RALGDS: variants seen among roughly 807,000 people sequenced by gnomAD.
The protein encoded by RALGDS is ral guanine nucleotide dissociation stimulator, also known as ral guanine nucleotide exchange factor.
RALGDS carries 44 observed loss-of-function variants against 99.8 expected under a neutral mutation model. The observed-to-expected ratio is 0.44, with a 90% CI of 0.35 to 0.57. The LOEUF is 0.57. Ranked by LOEUF, RALGDS falls within the 20% of genes least tolerant of loss-of-function variation. The pLI is 0.01. For synonymous variants in RALGDS, 529 were observed against 505.0 expected (o/e 1.05, Z -0.64); for missense variants, 1,022 against 1,203.1 (o/e 0.85, Z 2.23).
chr9:133,101,871 T>C, intron 15 of RALGDS, 67 bp downstream of exon 15: 1 of 1,551,232 alleles, frequency 6.4e-7, no homozygotes, highest in Non-Finnish European at 8.7e-7. Context: ...CAGGGCTTCC[T>C]GGCCCCATGC....
At chr9:133,146,784 G>A (rs1216488797) in intron 1 of RALGDS, among the ~76,000 whole-genome samples, 1 of 152,230 alleles carries the variant, frequency 6.6e-6, no homozygotes, top group Non-Finnish European at 1.5e-5. Flanking sequence ...GATGCCGTGA[G>A]CTGCCTGCCC....
chr9:133,109,095 T>C (rs1377010170), intron 4 of RALGDS, among the ~76,000 whole-genome samples: 1 of 152,226 alleles, frequency 6.6e-6, no homozygotes, highest in Non-Finnish European at 1.5e-5. Flanking sequence ...CCCTCCTCGC[T>C]GGAATGTAAA....
In RALGDS at chr9:133,098,489, C is replaced by G; in HGVS notation, c.*98G>C. ...AGGATGAAACTGGAGTCTGGGGTACCCTGGGCTGGCAGGTGGGAGGAAGGC... is the reference window on the plus strand; with the variant it reads ...AGGATGAAACTGGAGTCTGGGGTACGCTGGGCTGGCAGGTGGGAGGAAGGC... On this transcript the variant is annotated 3_prime_UTR_variant, in exon 18 of 18. Coordinates refer to ENST00000372050, the MANE Select transcript of RALGDS (RefSeq NM_006266.4). 7.8e-7 allele frequency: 1 copy of G among 1,285,944 alleles called. No homozygotes were observed. Among genetic ancestry groups the G allele is most frequent in the Non-Finnish European group, 1.1e-6 (1 of 901,150 alleles). 79.7% of individuals were successfully genotyped at this position (1,285,944 alleles called of 1,614,324 possible).
intron 1 of RALGDS, among the ~76,000 whole-genome samples, chr9:133,143,480 T>C (rs893943847): frequency 6.6e-6 from 1 of 152,100 alleles, no homozygotes; most frequent in Admixed American, 6.6e-5. Flanking sequence ...TCTTGCTGGA[T>C]GCAGTGTCTC....
chr9:133,145,423 AAATG>A, intron 1 of RALGDS, among the ~76,000 whole-genome samples: 1 of 144,402 alleles, frequency 6.9e-6, no homozygotes, highest in East Asian at 2.3e-4. Flanking sequence ...GACAGATACG[AAATG>A]AATGAGTGAA....
intron 1 of RALGDS, chr9:133,129,164 G>C: frequency 6.3e-7 from 1 of 1,596,178 alleles, no homozygotes; most frequent in Non-Finnish European, 8.5e-7. Context: ...TGCTGGCAGA[G>C]GTGCCAGCCA....
chr9:133,142,194 CA>C (rs1421254928), intron 1 of RALGDS, among the ~76,000 whole-genome samples: 1 of 152,070 alleles, frequency 6.6e-6, no homozygotes, highest in Non-Finnish European at 1.5e-5. Flanking sequence ...AGGAAGGATC[CA>C]GGGGCAGAGT....
Position 133,109,616 on chromosome 9 carries a change from GCTCA to G in RALGDS, c.584+6_584+9del. 1 of 1,606,700 alleles carries G rather than the reference GCTCA, an allele frequency of 6.2e-7. No individual in the cohort carries two copies. Among genetic ancestry groups the G allele is most frequent in the Non-Finnish European group, 8.5e-7 (1 of 1,173,424 alleles). On this transcript the variant is annotated splice_donor_region_variant and intron_variant, in intron 4 of 17. Coordinates refer to ENST00000372050, the MANE Select transcript of RALGDS (RefSeq NM_006266.4). Reference sequence around the variant, plus strand: ...CAGGGTCCCTTCCTCTTGGCTCAAAGCTCACTCACTTTTTAAGTTGGTCCTGGGG... The same window carrying G: ...CAGGGTCCCTTCCTCTTGGCTCAAAGCTCACTTTTTAAGTTGGTCCTGGGG...
chr9:133,102,991 T>C (rs686346), intron 12 of RALGDS, 91 bp from the exon 13 acceptor site: 377,512 of 1,550,454 alleles, frequency 0.24, 47,635 homozygotes, highest in East Asian at 0.39. Flanking sequence ...GGTCCCTTCC[T>C]CCCCTCTACT....
intron 9 of RALGDS, 29 bp from the exon 10 acceptor site, chr9:133,104,360 G>T (rs1386880442): frequency 1.9e-6 from 3 of 1,589,702 alleles, no homozygotes; most frequent in Admixed American, 1.7e-5. Context: ...GGGTCAGCAA[G>T]GCCCTATCCC....
chr9:133,133,989 C>G (rs1409468401), upstream of RALGDS, among the ~76,000 whole-genome samples: 1 of 152,206 alleles, frequency 6.6e-6, no homozygotes, highest in East Asian at 1.9e-4. Flanking sequence ...TAGCAGAGGC[C>G]GAGGCCTGGC....
At chr9:133,107,018 G>C in intron 7 of RALGDS, 67 bp downstream of exon 7, 2 of 1,557,260 alleles carry the variant, frequency 1.3e-6, no homozygotes. Context: ...CAGGGCCTTG[G>C]ACTGCAGACC....
chr9:133,141,571 G>A (rs1480113020), intron 1 of RALGDS, among the ~76,000 whole-genome samples: 2 of 152,212 alleles, frequency 1.3e-5, no homozygotes, highest in Non-Finnish European at 2.9e-5. Flanking sequence ...CGCTGAGCTG[G>A]AATTTGGACC....
chr9:133,108,481 T>C, intron 5 of RALGDS, 75 bp from the exon 6 acceptor site: 1 of 1,471,282 alleles, frequency 6.8e-7, no homozygotes, highest in Non-Finnish European at 9.2e-7. Flanking sequence ...AGCCCCGGCT[T>C]CCAGAGAAGC....
intron 1 of RALGDS, among the ~76,000 whole-genome samples, chr9:133,120,368 C>T (rs924124010): frequency 2.0e-5 from 3 of 152,148 alleles, no homozygotes; most frequent in African/African-American, 7.2e-5. Context: ...CCCTCCTCCC[C>T]TCACCACCAG....
In RALGDS at chr9:133,108,050, TCTC is replaced by T. The variant is rs1220470001; in HGVS notation, c.1132_1134del (p.Glu378del). The T allele has an allele frequency of 3.7e-6, 6 of 1,613,566 alleles. No individual in the cohort carries two copies. The highest frequency in any genetic ancestry group is 8.5e-7 in the Non-Finnish European group (1 of 1,180,030). Reference sequence around the variant, plus strand: ...GGAGGGAACACCAAGAGGTGAGGCTTCTCCTCACTCAGCCCGTTCTCTGCAACC... The same window carrying T: ...GGAGGGAACACCAAGAGGTGAGGCTTCTCACTCAGCCCGTTCTCTGCAACC... On this transcript the variant is annotated inframe_deletion, in exon 6 of 18. Transcript: ENST00000372050.
intron 1 of RALGDS, among the ~76,000 whole-genome samples, chr9:133,141,976 C>G (rs776130302): frequency 6.6e-6 from 1 of 152,204 alleles, no homozygotes; most frequent in African/African-American, 2.4e-5. Context: ...GCACACGGTA[C>G]CACACGTGGT....
chr9:133,143,771 T>TAATAATAATAATAACAAC (rs1554745676), intron 1 of RALGDS, among the ~76,000 whole-genome samples: 1 of 111,624 alleles, frequency 9.0e-6, no homozygotes, highest in African/African-American at 3.5e-5. Flanking sequence ...ATAATAATAA[T>TAATAATAATAATAACAAC]AACAACAACA....
intron 1 of RALGDS, among the ~76,000 whole-genome samples, chr9:133,128,235 C>A (rs1303601035): frequency 1.3e-5 from 2 of 152,006 alleles, no homozygotes; most frequent in Non-Finnish European, 2.9e-5. Context: ...GGAAACTGAA[C>A]CCAAGACCCA....
Sources: gnomAD v4.1 joint callset for allele counts (sites outside exome capture counted in the v4.1 genomes callset) on GRCh38, gnomAD v4.1.1 for gene constraint, MANE v1.5 for transcripts, NCBI Gene and HGNC (gene_info 2026-07-23, HGNC 2026-07-21) for gene names.